The following UBR4 variants were observed in gnomAD, a reference collection of about 807,000 sequenced individuals.
UBR4 encodes the protein E3 ubiquitin-protein ligase UBR4.
Under a neutral mutation model 575.6 loss-of-function variants are expected in UBR4, and 124 were observed. The observed-to-expected ratio is 0.22, with a 90% CI of 0.19 to 0.25. The LOEUF (loss-of-function observed/expected upper bound fraction) is 0.25. UBR4 is among the 10% of genes least tolerant of loss of function. The pLI is 1.00. For missense variants in UBR4, 4,818 were observed against 6,478.8 expected, an observed-to-expected ratio of 0.74 and a Z score of 8.80; for synonymous variants, 2,455 against 2,473.7, an observed-to-expected ratio of 0.99 and a Z score of 0.22.
intron 84 of UBR4, among the ~76,000 whole-genome samples, 197 bp from the exon 85 acceptor site, chr1:19,105,386 A>T (rs16862539): frequency 0.018 from 2,674 of 152,348 alleles, 60 homozygotes; most frequent in East Asian, 0.067. Context: ...CATTCAGAGC[A>T]CACTGCAGGG....
chr1:19,196,474 A>T lies in UBR4; in HGVS notation c.1018+667T>A, dbSNP rs140421300. On this transcript the variant is annotated intron_variant, in intron 8 of 105. Coordinates refer to ENST00000375254, the MANE Select transcript of UBR4 (RefSeq NM_020765.3). ...ACTTCCAAGACATACCAGAGATATG[A>T]TATGTCTCGGAACTTAAAGCCAAGG... Among the ~76,000 whole-genome samples, 5 of 152,336 alleles carry T rather than the reference A, an allele frequency of 3.3e-5. No homozygotes were observed. The East Asian group carries it at 9.6e-4, about 29-fold the overall frequency.
chr1:19,092,782 C>G (rs1314604080), intron 97 of UBR4, 37 bp downstream of exon 97: 1 of 1,542,698 alleles, frequency 6.5e-7, no homozygotes, highest in Admixed American at 1.8e-5. Context: ...TATACTTGTA[C>G]CCCTGTACCC....
At chr1:19,163,739 C>G in intron 34 of UBR4, 25 bp downstream of exon 34, 1 of 1,612,472 alleles carries the variant, frequency 6.2e-7, no homozygotes. Context: ...CTTCACCCCC[C>G]ATTGTCATTC....
rs139917929 is a variant in UBR4, at chr1:19,205,948, T to C, written c.176+4125A>G. On this transcript the variant is annotated intron_variant, in intron 1 of 105. Coordinates refer to ENST00000375254, the MANE Select transcript of UBR4 (RefSeq NM_020765.3). ...TTTTATCTACAAAGAGTCAATCAAA[T>C]TGTCGAATGATAACCATGCTCACCA... is the stretch of plus-strand genomic sequence containing the variant. 1.2e-4 allele frequency among the ~76,000 whole-genome samples: 19 copies of C among 152,238 alleles called. No homozygotes were observed. In the East Asian group the frequency reaches 2.7e-3, roughly 22 times the overall value.
At chr1:19,113,911 C>T (rs762851377) in intron 76 of UBR4, 34 bp downstream of exon 76, 4 of 1,614,214 alleles carry the variant, frequency 2.5e-6, no homozygotes, top group South Asian at 2.2e-5. Context: ...AGACCCAAGC[C>T]CTTATCCAAA....
At chr1:19,132,575 C>T (rs1469831045) in intron 60 of UBR4, among the ~76,000 whole-genome samples, 1 of 17,930 alleles carries the variant, frequency 5.6e-5, no homozygotes, top group African/African-American at 2.4e-4. Context: ...AACAATAGAA[C>T]AATAACAACA....
In UBR4 at chr1:19,155,647, C is replaced by T. The variant is rs762740813; in HGVS notation, c.6094G>A (p.Ala2032Thr). 2 of 1,614,116 alleles carry T rather than the reference C, an allele frequency of 1.2e-6. No individual in the cohort carries two copies. Among genetic ancestry groups the T allele is most frequent in the South Asian group, 2.2e-5 (2 of 91,080 alleles). Reference protein sequence around the residue: ...FVKIYDLCVDALSPTFYFLLP... With the variant: ...FVKIYDLCVDTLSPTFYFLLP... ...AGAAAATAGAAGGTTGGACTCAAGG[C>T]ATCAACACACAGGTCATAAATCTGC... Residue 2032 changes from alanine to threonine, a missense_variant, in exon 43 of 106, where the codon GCC becomes ACC. By Grantham distance (58) the Ala-to-Thr change is moderately conservative (BLOSUM62 0). Transcript: ENST00000375254.
At chr1:19,101,317 G>A (rs1428835746) in intron 88 of UBR4, among the ~76,000 whole-genome samples, 3 of 152,142 alleles carry the variant, frequency 2.0e-5, no homozygotes. Flanking sequence ...TAAGACCAAG[G>A]AAGGTCATTA....
At chr1:19,194,527 C>T (rs1462370957) in intron 8 of UBR4, among the ~76,000 whole-genome samples, 3 of 152,112 alleles carry the variant, frequency 2.0e-5, no homozygotes, top group South Asian at 2.1e-4. Context: ...TAAGGCTGGG[C>T]GCGGTGGCTC....
intron 60 of UBR4, among the ~76,000 whole-genome samples, chr1:19,129,672 C>T (rs2082208330): frequency 6.6e-6 from 1 of 152,184 alleles, no homozygotes; most frequent in Admixed American, 6.5e-5. Context: ...ATCAACTGGC[C>T]ATTACCTAGC....
rs1283180569 is a variant in UBR4, at chr1:19,187,385, G to A, written c.1494+56C>T. The A allele has an allele frequency of 1.1e-5, 17 of 1,611,278 alleles. 1 individual carries two copies. In the South Asian group the frequency reaches 1.1e-4, roughly 10 times the overall value. ...TGAGTTGATGGATCAAGCTTGCTTG[G>A]CCAGAAGTGGATCCCGCAATCAATA... On this transcript the variant is annotated intron_variant, in intron 12 of 105. Coordinates refer to ENST00000375254, the MANE Select transcript of UBR4 (RefSeq NM_020765.3).
chr1:19,137,140 A>G (rs985084795), intron 60 of UBR4, among the ~76,000 whole-genome samples: 11 of 151,996 alleles, frequency 7.2e-5, no homozygotes, highest in Non-Finnish European at 5.9e-5. Flanking sequence ...TCTCTACAAA[A>G]AATACAAAAA....
intron 11 of UBR4, among the ~76,000 whole-genome samples, chr1:19,188,797 A>G (rs956383330): frequency 1.3e-5 from 2 of 151,972 alleles, no homozygotes; most frequent in East Asian, 3.9e-4. Context: ...GCAAGATCCC[A>G]TCTCTGCAAA....
chr1:19,089,585 G>A lies in UBR4; in HGVS notation c.14212-608C>T, dbSNP rs923692326. ...AAAGCTGGAAGTCACTACGTATAGC[G>A]CTATGTGATAAACGGGGGTGGAGAA... On this transcript the variant is annotated intron_variant, in intron 97 of 105. Transcript: ENST00000375254. This position sits in a 1 kb window ranked among gnomAD's most constrained non-coding sequence, Gnocchi z 4.3. 6.6e-6 allele frequency among the ~76,000 whole-genome samples: 1 copy of A among 152,202 alleles called. No individual in the cohort carries two copies. The highest frequency in any genetic ancestry group is 1.5e-5 in the Non-Finnish European group (1 of 68,044).
At chr1:19,204,568 TTGCCTGGTTCAG>T (rs1217782917) in intron 1 of UBR4, among the ~76,000 whole-genome samples, 20 of 151,958 alleles carry the variant, frequency 1.3e-4, no homozygotes, top group Middle Eastern at 3.4e-3. Flanking sequence ...ACTCATTTAA[TTGCCTGGTTCAG>T]TGTCATCCTA....
intron 97 of UBR4, 127 bp downstream of exon 97, chr1:19,092,691 TA>T (rs2077641906): frequency 1.8e-5 from 12 of 679,370 alleles, no homozygotes; most frequent in South Asian, 1.0e-4. Context: ...ATAGATGAAG[TA>T]GATGACTTCT....
chr1:19,110,461 T>A lies in UBR4; in HGVS notation c.11896A>T (p.Ser3966Cys). The change falls in exon 80 of 106, where the codon AGT (serine) becomes TGT (cysteine). Residue 3966 changes from serine to cysteine, a missense_variant. Around this residue, in one of 29 missense-constraint regions of UBR4, gnomAD observed 333 missense variants for 459.2 expected, o/e 0.73. Coordinates refer to ENST00000375254, the MANE Select transcript of UBR4 (RefSeq NM_020765.3). This position sits in a 1 kb window ranked among gnomAD's most constrained non-coding sequence, Gnocchi z 4.5. ...AGCAGCATTTCATACTGCAGGCTAC[T>A]TGCCTAGAAGGCAATGGGAAGAGAC... The part of the protein sequence containing the change: ...KGHWANPDLA[S>C]SLQYEMLLLT... The A allele has an allele frequency of 6.2e-7, 1 of 1,614,076 alleles. No individual in the cohort carries two copies. The highest frequency in any genetic ancestry group is 8.5e-7 in the Non-Finnish European group (1 of 1,180,004).
intron 65 of UBR4, among the ~76,000 whole-genome samples, chr1:19,123,913 T>C (rs947972892): frequency 8.5e-5 from 13 of 152,230 alleles, no homozygotes; most frequent in African/African-American, 2.4e-4. Context: ...GCCAGAATTA[T>C]GCCAATGCAC....
intron 61 of UBR4, 139 bp downstream of exon 61, chr1:19,128,836 TTTG>T: frequency 1.4e-6 from 1 of 704,362 alleles, no homozygotes; most frequent in Non-Finnish European, 2.4e-6. Context: ...AGAGCTATAA[TTTG>T]TAGCTCAAAA....
Sources: gnomAD v4.1 joint callset for allele counts (sites outside exome capture counted in the v4.1 genomes callset) on GRCh38, gnomAD v4.1.1 for gene constraint, gnomAD v4.1.1 regional missense constraint, Gnocchi (gnomAD v3.1) non-coding constraint, MANE v1.5 for transcripts, NCBI Gene and HGNC (gene_info 2026-07-23, HGNC 2026-07-21) for gene names.